RXFP1: variants seen among roughly 807,000 people sequenced by gnomAD.
The protein encoded by RXFP1 is relaxin family peptide receptor 1.
RXFP1 carries 73 observed loss-of-function variants against 89.8 expected under a neutral mutation model. The observed-to-expected ratio is 0.81, with a 90% CI of 0.67 to 0.99. The LOEUF (loss-of-function observed/expected upper bound fraction) is 0.99, where lower values mean the gene tolerates loss of function less well. RXFP1 is among the 50% of genes least tolerant of loss of function. The pLI is 0.00. For synonymous variants in RXFP1, 277 were observed against 305.5 expected, an observed-to-expected ratio of 0.91 and a Z score of 0.97; for missense variants, 793 against 895.5, an observed-to-expected ratio of 0.89 and a Z score of 1.46.
In RXFP1 at chr4:158,646,822, C is replaced by T. The variant is rs763363981; in HGVS notation, c.1377C>T (p.Phe459=). The T allele has an allele frequency of 7.4e-6, 12 of 1,613,064 alleles. No individual in the cohort carries two copies. The highest frequency in any genetic ancestry group is 2.7e-5 in the African/African-American group (2 of 74,866). The change falls in exon 16 of 18, where the codon TTC becomes TTT. Residue 459 remains phenylalanine (F), a synonymous_variant. Transcript: ENST00000307765. ...ACTGCTTAATGGGAATATATTTATT[C>T]GTGATCGGAGGCTTTGACCTAAAGT... is the stretch of plus-strand genomic sequence containing the variant. ...CADCLMGIYL[F]VIGGFDLKFR... is the part of the protein sequence containing the mutation.
chr4:158,640,676 G>A (rs1770206233), intron 14 of RXFP1, among the ~76,000 whole-genome samples: 1 of 152,042 alleles, frequency 6.6e-6, no homozygotes, highest in African/African-American at 2.4e-5. Flanking sequence ...CTCCAACATT[G>A]GGAATCAACT....
intron 1 of RXFP1, among the ~76,000 whole-genome samples, chr4:158,529,240 G>GT (rs60839416): frequency 5.4e-4 from 73 of 134,060 alleles, no homozygotes; most frequent in African/African-American, 1.2e-3. Flanking sequence ...TTGCTTGCTT[G>GT]TTTTTTGTTG....
chr4:158,567,420 C>T (rs1174101815), intron 1 of RXFP1, among the ~76,000 whole-genome samples: 1 of 152,216 alleles, frequency 6.6e-6, no homozygotes, highest in Non-Finnish European at 1.5e-5. Flanking sequence ...TGTAAATACA[C>T]CAATCAGCAC....
intron 1 of RXFP1, among the ~76,000 whole-genome samples, chr4:158,563,931 A>G (rs1222446670): frequency 6.7e-6 from 1 of 148,416 alleles, no homozygotes; most frequent in African/African-American, 2.4e-5. Context: ...ATAATATATA[A>G]TGTATAACAT....
chr4:158,632,619 T>C (rs1326451711), intron 11 of RXFP1, among the ~76,000 whole-genome samples: 1 of 152,160 alleles, frequency 6.6e-6, no homozygotes. Context: ...GGTCATACCA[T>C]GTTAAGCAGA....
chr4:158,541,394 A>G (rs1050203788), intron 1 of RXFP1, among the ~76,000 whole-genome samples: 43 of 129,322 alleles, frequency 3.3e-4, no homozygotes, highest in Non-Finnish European at 5.8e-4. Flanking sequence ...TGTCCAGGGT[A>G]ATTTCATATT....
Position 158,542,109 on chromosome 4 carries a change from A to ATTTTTTTTTT in RXFP1, c.49+20085_49+20094dup, listed in dbSNP as rs56032847. On this transcript the variant is annotated intron_variant, in intron 1 of 17. Coordinates refer to ENST00000307765, the MANE Select transcript of RXFP1 (RefSeq NM_021634.4). ...TATATATATATATATATATATATATATTTTTTTTTTAGTAGAGACAGGGTT... is the reference window on the plus strand; with the variant it reads ...TATATATATATATATATATATATATATTTTTTTTTTTTTTTTTTTTAGTAGAGACAGGGTT... Among the ~76,000 whole-genome samples the ATTTTTTTTTT allele has an allele frequency of 8.5e-4, 30 of 35,220 alleles. 1 individual carries two copies. Among genetic ancestry groups the ATTTTTTTTTT allele is most frequent in the African/African-American group, 1.9e-3 (20 of 10,764 alleles). 23.1% of individuals were successfully genotyped at this position (35,220 alleles called of 152,430 possible). A position where few individuals can be genotyped will look rare whatever the true frequency, so the allele number is the denominator to read the frequency against.
chr4:158,612,293 T>A lies in RXFP1; in HGVS notation c.611T>A (p.Ile204Lys). ...FEDLHRLEWL[I>K]IEDNHLSRIS... ...AATTTTTTTCTTCTGGCTGTCAGGATAATTGAAGATAATCACCTCAGTCGA... is the reference window on the plus strand; with the variant it reads ...AATTTTTTTCTTCTGGCTGTCAGGAAAATTGAAGATAATCACCTCAGTCGA... Residue 204 changes from isoleucine to lysine, a missense_variant and splice_region_variant, in exon 8 of 18, where the codon ATA (isoleucine) becomes AAA (lysine). Physicochemically the swap from Ile to Lys is moderately radical, Grantham distance 102 (BLOSUM62 -3). Coordinates refer to ENST00000307765, the MANE Select transcript of RXFP1 (RefSeq NM_021634.4). 1 of 1,611,858 alleles carries A rather than the reference T, an allele frequency of 6.2e-7. No individual in the cohort carries two copies. Among genetic ancestry groups the A allele is most frequent in the Non-Finnish European group, 8.5e-7 (1 of 1,178,848 alleles).
At chr4:158,576,520 C>T (rs987057826) in intron 2 of RXFP1, among the ~76,000 whole-genome samples, 5 of 152,028 alleles carry the variant, frequency 3.3e-5, no homozygotes, top group African/African-American at 1.2e-4. Flanking sequence ...TAATATGAGC[C>T]TCGTGTCATT....
chr4:158,567,660 C>T (rs1194248024), intron 1 of RXFP1, among the ~76,000 whole-genome samples: 1 of 152,110 alleles, frequency 6.6e-6, no homozygotes, highest in Non-Finnish European at 1.5e-5. Context: ...TTTGTAAATA[C>T]ACCAATTGGT....
At chr4:158,527,759 T>C (rs1052886331) in intron 1 of RXFP1, among the ~76,000 whole-genome samples, 1 of 151,898 alleles carries the variant, frequency 6.6e-6, no homozygotes, top group Non-Finnish European at 1.5e-5. Context: ...TTTCATAAAA[T>C]CAGACTTTTT....
chr4:158,579,373 A>G (rs1756887501), intron 2 of RXFP1, among the ~76,000 whole-genome samples: 1 of 152,138 alleles, frequency 6.6e-6, no homozygotes, highest in Non-Finnish European at 1.5e-5. Context: ...GGTTCAAGCA[A>G]TTCTCCTGCC....
Position 158,544,371 on chromosome 4 carries a change from G to A in RXFP1, c.49+22346G>A, listed in dbSNP as rs1322420561. The A allele has an allele frequency of 4.1e-6, 4 of 984,816 alleles. No homozygotes were observed. In the East Asian group the frequency reaches 4.5e-4, roughly 112 times the overall value. The allele number at this position is 984,816 out of a possible 1,614,324, so 61.0% of individuals were successfully genotyped here. A position where few individuals can be genotyped will look rare whatever the true frequency, so the allele number is the denominator to read the frequency against. On this transcript the variant is annotated intron_variant, in intron 1 of 17. Coordinates refer to ENST00000307765, the MANE Select transcript of RXFP1 (RefSeq NM_021634.4). Reference sequence around the variant, plus strand: ...TTGCACTGAAGGATTTCAAAAGAGGGACAGATCACCCAGAATGGACATGGT... The same window carrying A: ...TTGCACTGAAGGATTTCAAAAGAGGAACAGATCACCCAGAATGGACATGGT...
At chr4:158,597,040 C>T (rs1760755062) in intron 3 of RXFP1, among the ~76,000 whole-genome samples, 1 of 151,982 alleles carries the variant, frequency 6.6e-6, no homozygotes, top group Non-Finnish European at 1.5e-5. Flanking sequence ...GAGTTAAAGA[C>T]AATTTGTGGG....
chr4:158,620,425 C>T (rs1260736064), intron 9 of RXFP1, among the ~76,000 whole-genome samples: 1 of 152,028 alleles, frequency 6.6e-6, no homozygotes, highest in Non-Finnish European at 1.5e-5. Context: ...AATTTTGTTA[C>T]ATTAATATAA....
At chr4:158,553,582 G>A (rs751622165) in intron 1 of RXFP1, among the ~76,000 whole-genome samples, 3 of 152,142 alleles carry the variant, frequency 2.0e-5, no homozygotes, top group Non-Finnish European at 2.9e-5. Context: ...GTGCAGGTAC[G>A]GGGTAGGCCA....
chr4:158,616,356 G>T (rs1764565563), intron 8 of RXFP1, among the ~76,000 whole-genome samples: 2 of 152,040 alleles, frequency 1.3e-5, no homozygotes, highest in Admixed American at 1.3e-4. Context: ...TTGAACCTGG[G>T]AAGCAGAGGT....
intron 5 of RXFP1, chr4:158,606,931 T>C (rs1762640132): frequency 4.0e-6 from 3 of 745,670 alleles, no homozygotes; most frequent in East Asian, 5.4e-5. Context: ...TTTTCTTGCA[T>C]GTTGGAGAAA....
At chr4:158,559,565 A>T (rs1752009804) in intron 1 of RXFP1, among the ~76,000 whole-genome samples, 1 of 152,196 alleles carries the variant, frequency 6.6e-6, no homozygotes, top group Non-Finnish European at 1.5e-5. Context: ...GATGTGATTT[A>T]AAAAATTTTT....
Sources: allele counts gnomAD v4.1 joint callset (sites outside exome capture counted in the v4.1 genomes callset), GRCh38; gene constraint gnomAD v4.1.1; transcripts MANE v1.5; gene names NCBI Gene and HGNC (gene_info 2026-07-23, HGNC 2026-07-21).